Variants in CNTN4 observed in about 807,000 individuals in gnomAD.
The protein encoded by CNTN4 is contactin 4, also known as contactin-4.
A neutral mutation model predicts 122.5 loss-of-function variants in CNTN4; 77 were observed. The ratio of observed to expected loss-of-function variants is 0.63; its 90% CI spans 0.52 to 0.76. The LOEUF is 0.76. Ranked by LOEUF, CNTN4 falls within the 30% of genes least tolerant of loss-of-function variation. CNTN4 has a pLI of 0.00. For missense variants in CNTN4, 1,256 were observed against 1,259.1 expected (o/e 1.00, Z 0.04); for synonymous variants, 512 against 447.0 (o/e 1.15, Z -1.83).
chr3:2,979,376 AAG>A (rs1254508842), intron 13 of CNTN4, among the ~76,000 whole-genome samples: 2 of 152,156 alleles, frequency 1.3e-5, no homozygotes, highest in African/African-American at 2.4e-5. Flanking sequence ...GAGAAGAGAA[AAG>A]AGAGAGAAAA....
chr3:2,271,917 G>GC (rs1407530066), intron 2 of CNTN4, among the ~76,000 whole-genome samples: 2 of 152,036 alleles, frequency 1.3e-5, no homozygotes, highest in Non-Finnish European at 2.9e-5. Flanking sequence ...ATTATGCAAT[G>GC]AATACTAAAA....
chr3:3,037,103 C>T (rs1416604183), intron 17 of CNTN4, 76 bp from the exon 18 acceptor site: 8 of 1,509,530 alleles, frequency 5.3e-6, no homozygotes, highest in African/African-American at 1.4e-5. Context: ...ATGGATGTTC[C>T]TATCTTCCTA....
chr3:2,844,927 C>T (rs1182869297), intron 7 of CNTN4, among the ~76,000 whole-genome samples: 1 of 152,128 alleles, frequency 6.6e-6, no homozygotes, highest in Non-Finnish European at 1.5e-5. Context: ...AGGCTACGCT[C>T]AGGTGAATTT....
At chr3:2,879,489 C>T (rs1190705612) in intron 8 of CNTN4, among the ~76,000 whole-genome samples, 1 of 152,186 alleles carries the variant, frequency 6.6e-6, no homozygotes, top group Admixed American at 6.5e-5. Flanking sequence ...GCATATCCTA[C>T]AGTGGAATAT....
intron 7 of CNTN4, among the ~76,000 whole-genome samples, chr3:2,852,661 T>C (rs1214408974): frequency 6.6e-6 from 1 of 152,194 alleles, no homozygotes; most frequent in African/African-American, 2.4e-5. Context: ...GTCTTAGATA[T>C]GTTAAGTAAC....
chr3:2,582,975 G>A (rs1019255355), intron 4 of CNTN4, among the ~76,000 whole-genome samples: 24 of 150,536 alleles, frequency 1.6e-4, no homozygotes, highest in East Asian at 3.9e-4. Context: ...GATTTAAAAC[G>A]TATGAATGCA....
chr3:2,707,923 G>A (rs1281757215), intron 4 of CNTN4, among the ~76,000 whole-genome samples: 1 of 152,164 alleles, frequency 6.6e-6, no homozygotes, highest in Admixed American at 6.5e-5. Flanking sequence ...CTAATGAAAT[G>A]AGTCTGAAAA....
chr3:2,816,912 A>G (rs189025846), intron 6 of CNTN4, among the ~76,000 whole-genome samples: 4 of 152,190 alleles, frequency 2.6e-5, no homozygotes, highest in African/African-American at 9.6e-5. Context: ...ATAAATAAAT[A>G]AAAATATATG....
intron 3 of CNTN4, among the ~76,000 whole-genome samples, chr3:2,478,752 A>T (rs1185490897): frequency 6.6e-6 from 1 of 152,188 alleles, no homozygotes; most frequent in Non-Finnish European, 1.5e-5. Flanking sequence ...GTCCCTGCAA[A>T]GGACATGATC....
At chr3:2,414,587 C>G (rs146939806) in intron 3 of CNTN4, among the ~76,000 whole-genome samples, 71 of 151,952 alleles carry the variant, frequency 4.7e-4, no homozygotes, top group Middle Eastern at 3.4e-3. Flanking sequence ...TTTATATTAT[C>G]AGAAACAAAT....
At chr3:2,860,259 T>C (rs2093658242) in intron 7 of CNTN4, among the ~76,000 whole-genome samples, 2 of 152,194 alleles carry the variant, frequency 1.3e-5, no homozygotes, top group South Asian at 4.1e-4. Context: ...TTGGAGGTAA[T>C]TGCCTGAAAC....
intron 13 of CNTN4, among the ~76,000 whole-genome samples, chr3:2,930,502 AT>A (rs1426604644): frequency 6.6e-6 from 1 of 152,264 alleles, no homozygotes; most frequent in African/African-American, 2.4e-5. Flanking sequence ...AGCCAAATAA[AT>A]TAATAAACTG....
At chr3:2,257,757 G>T (rs1353892163) in intron 2 of CNTN4, among the ~76,000 whole-genome samples, 1 of 152,154 alleles carries the variant, frequency 6.6e-6, no homozygotes, top group Non-Finnish European at 1.5e-5. Context: ...AGTTAGAATG[G>T]TGATCATTAA....
intron 13 of CNTN4, among the ~76,000 whole-genome samples, chr3:2,929,622 G>T (rs531429743): frequency 2.0e-5 from 3 of 152,096 alleles, no homozygotes; most frequent in Non-Finnish European, 4.4e-5. Context: ...ACTCTGTCTC[G>T]CTCTCTTCCT....
intron 7 of CNTN4, among the ~76,000 whole-genome samples, chr3:2,856,421 G>A (rs779011938): frequency 6.6e-6 from 1 of 152,016 alleles, no homozygotes; most frequent in Admixed American, 6.5e-5. Flanking sequence ...AGGGAAACAC[G>A]TCCTGAGAAG....
chr3:2,630,983 C>T (rs1177603557), intron 4 of CNTN4, among the ~76,000 whole-genome samples: 3 of 152,146 alleles, frequency 2.0e-5, no homozygotes, highest in African/African-American at 7.2e-5. Flanking sequence ...TATAAAAGTT[C>T]TCTTTCATTC....
intron 7 of CNTN4, among the ~76,000 whole-genome samples, chr3:2,836,425 T>C (rs948034074): frequency 1.3e-5 from 2 of 152,180 alleles, no homozygotes; most frequent in Non-Finnish European, 2.9e-5. Flanking sequence ...TTTATGAATG[T>C]TGGTAACGCT....
chr3:2,801,281 C>T (rs948864599), intron 6 of CNTN4, among the ~76,000 whole-genome samples: 3 of 152,150 alleles, frequency 2.0e-5, no homozygotes, highest in Non-Finnish European at 4.4e-5. Context: ...ACAGTATTTC[C>T]ATATAGAACT....
intron 7 of CNTN4, among the ~76,000 whole-genome samples, chr3:2,843,979 C>A (rs1291290502): frequency 1.3e-5 from 2 of 152,146 alleles, no homozygotes; most frequent in Admixed American, 6.6e-5. Flanking sequence ...GCCAGAAGCC[C>A]CCATAAACTG....
Sources: allele counts gnomAD v4.1 joint callset (sites outside exome capture counted in the v4.1 genomes callset), GRCh38; gene constraint gnomAD v4.1.1; transcripts MANE v1.5; gene names NCBI Gene and HGNC (gene_info 2026-07-23, HGNC 2026-07-21).